The following ABCB8 variants were observed in gnomAD, a reference collection of about 807,000 sequenced individuals.
The protein encoded by ABCB8 is mitochondrial potassium channel ATP-binding subunit.
In ABCB8, 52 loss-of-function variants were observed where a neutral mutation model predicts 73.0. That is an observed-to-expected ratio of 0.71 (90% CI 0.57 to 0.90). The LOEUF (loss-of-function observed/expected upper bound fraction) is 0.90. ABCB8 is among the 40% of genes least tolerant of loss of function. ABCB8 has a pLI of 0.00. For missense variants in ABCB8, 909 were observed against 974.6 expected, an observed-to-expected ratio of 0.93 and a Z score of 0.90; for synonymous variants, 428 against 423.5, an observed-to-expected ratio of 1.01 and a Z score of -0.13.
At position 151,031,176 on chromosome 7, in the gene ABCB8, C is replaced by A; in HGVS notation, c.96-2429C>A. ...TGTGCTCAACAAGCATAAACATTTG[C>A]GGAACATCTATTATGTACCGGAGTT... On this transcript the variant is annotated intron_variant, in intron 1 of 15. Coordinates refer to ENST00000358849, the MANE Select transcript of ABCB8 (RefSeq NM_007188.5). The A allele has an allele frequency of 9.7e-6, 10 of 1,035,046 alleles. No homozygotes were observed. In the South Asian group the frequency reaches 1.2e-4, roughly 13 times the overall value. The allele number at this position is 1,035,046 out of a possible 1,614,324, so 64.1% of individuals were successfully genotyped here. A position where few individuals can be genotyped will look rare whatever the true frequency, so the allele number is the denominator to read the frequency against.
chr7:151,032,468 G>C (rs766615924), intron 1 of ABCB8, among the ~76,000 whole-genome samples: 3 of 152,198 alleles, frequency 2.0e-5, no homozygotes, highest in Non-Finnish European at 4.4e-5. Context: ...GGCTGAGGCA[G>C]GTGGATCATG....
intron 8 of ABCB8, 26 bp from the exon 9 acceptor site, chr7:151,036,518 C>G: frequency 3.1e-6 from 5 of 1,591,182 alleles, no homozygotes; most frequent in African/African-American, 1.3e-5. Context: ...CTGGCTTCGT[C>G]CTCCCTCACT....
chr7:151,035,899 C>T lies in ABCB8; in HGVS notation c.945C>T (p.Gly315=), dbSNP rs774585394. ...CCTTGCAGATCGCCAGGGCAATGGG[C>T]GTAGCAGACGAGGCCCTGGGCAATG... ...QCQEQIARAM[G]VADEALGNVR... Residue 315 remains glycine, a synonymous_variant, in exon 7 of 16, where the codon GGC becomes GGT. Coordinates refer to ENST00000358849, the MANE Select transcript of ABCB8 (RefSeq NM_007188.5). 3.1e-6 allele frequency: 5 copies of T among 1,613,558 alleles called. No homozygotes were observed. Among genetic ancestry groups the T allele is most frequent in the East Asian group, 4.5e-5 (2 of 44,884 alleles).
chr7:151,036,627 G>C lies in ABCB8; in HGVS notation c.1195G>C (p.Val399Leu). The change falls in exon 9 of 16, where the codon GTG becomes CTG. Residue 399 changes from valine (V) to leucine (L), a missense_variant. Coordinates refer to ENST00000358849, the MANE Select transcript of ABCB8 (RefSeq NM_007188.5). The stretch of plus-strand genomic sequence containing the variant: ...AGGGGGAGACCTCATGTCCTTCCTG[G>C]TGGCCTCCCAGACAGTGCAAAGGTA... ...LTGGDLMSFL[V>L]ASQTVQRSMA... is the part of the protein sequence containing the mutation. 1 of 1,612,060 alleles carries C rather than the reference G, an allele frequency of 6.2e-7. No individual in the cohort carries two copies. The highest frequency in any genetic ancestry group is 8.5e-7 in the Non-Finnish European group (1 of 1,178,932).
chr7:151,040,736 C>T lies in ABCB8; in HGVS notation c.1389-92C>T, dbSNP rs1584955846. 2.0e-5 allele frequency: 32 copies of T among 1,601,468 alleles called. 1 individual carries two copies. In the South Asian group the frequency reaches 3.4e-4, roughly 17 times the overall value. On this transcript the variant is annotated intron_variant, in intron 11 of 15. Transcript: ENST00000358849. ...GGACTAATGTCCCCCATAAACAGGC[C>T]CTCTCAGAGGGCTACAGGGAGACTT...
intron 14 of ABCB8, among the ~76,000 whole-genome samples, chr7:151,042,752 C>A (rs375088707): frequency 1.3e-3 from 204 of 152,316 alleles, no homozygotes; most frequent in African/African-American, 4.5e-3. Context: ...TTCAGCACTT[C>A]TCAGGATACA....
intron 12 of ABCB8, 35 bp from the exon 13 acceptor site, chr7:151,041,064 C>A: frequency 6.2e-7 from 1 of 1,613,538 alleles, no homozygotes; most frequent in Non-Finnish European, 8.5e-7. Flanking sequence ...TCCCTAGAAT[C>A]CCTGGCCTCC....
chr7:151,035,550 G>T (rs756381592), intron 5 of ABCB8, 31 bp from the exon 6 acceptor site: 1 of 1,563,194 alleles, frequency 6.4e-7, no homozygotes, highest in Admixed American at 1.8e-5. Flanking sequence ...TGCGGACGCC[G>T]TAGCCTCCCG....
Position 151,041,174 on chromosome 7 carries a change from AC to A in ABCB8, c.1561del (p.Leu521CysfsTer96). The A allele has an allele frequency of 6.2e-7, 1 of 1,610,192 alleles. No homozygotes were observed. The highest frequency in any genetic ancestry group is 8.5e-7 in the Non-Finnish European group (1 of 1,179,932). The part of the protein sequence containing the change: ...TAGVVMLDGR[D>X]LRTLDPSWLR... ...GGCGTGGTGATGCTGGATGGGCGGG[AC>A]CTGCGCACCCTTGACCCCTCCTGGC... On this transcript the variant is annotated frameshift_variant, in exon 13 of 16. Transcript: ENST00000358849. LOFTEE classifies it high-confidence loss of function.
In ABCB8 at chr7:151,040,502, T is replaced by A; in HGVS notation, c.1256T>A (p.Val419Asp). The change falls in exon 11 of 16, where the codon GTC becomes GAC. Residue 419 changes from valine (V) to aspartate (D), a missense_variant. Transcript: ENST00000358849. Reference protein sequence around the residue: ...ANLSVLFGQVVRGLSAGARVF... With the variant: ...ANLSVLFGQVDRGLSAGARVF... The stretch of plus-strand genomic sequence containing the variant: ...ACTTTGGATCCCCTCCCACAGGTGG[T>A]CCGGGGGCTGAGTGCAGGTGCCCGG... 6.2e-7 allele frequency: 1 copy of A among 1,610,984 alleles called. No individual in the cohort carries two copies. Among genetic ancestry groups the A allele is most frequent in the East Asian group, 2.2e-5 (1 of 44,762 alleles).
rs746187225 is a variant in ABCB8 at position 151,028,570 on chromosome 7, C to T, written c.55C>T (p.Leu19=). The change falls in exon 1 of 16, where the codon CTG becomes TTG. Residue 19 remains leucine (L), a synonymous_variant. Transcript: ENST00000358849. Reference sequence around the variant, plus strand: ...TCGGGGTGGCCCATTCCCAGGCAGGCTGCTACCGCCCCTCCGCTTCCAGAC... The same window carrying T: ...TCGGGGTGGCCCATTCCCAGGCAGGTTGCTACCGCCCCTCCGCTTCCAGAC... ...GIRGGPFPGR[L]LPPLRFQTFS... The T allele has an allele frequency of 6.2e-7, 1 of 1,614,030 alleles. No homozygotes were observed. The highest frequency in any genetic ancestry group is 1.7e-5 in the Admixed American group (1 of 60,022).
Position 151,030,833 on chromosome 7 carries a change from G to T in ABCB8, c.95+2223G>T, listed in dbSNP as rs202180523. ...TGGGCGCCTGTAGTCCCAGCTACTC[G>T]AGAGGCTGAGGCAGGAGAATCGCTT... On this transcript the variant is annotated intron_variant, in intron 1 of 15. Coordinates refer to ENST00000358849, the MANE Select transcript of ABCB8 (RefSeq NM_007188.5). Among the ~76,000 whole-genome samples, 20 of 152,332 alleles carry T rather than the reference G, an allele frequency of 1.3e-4. No individual in the cohort carries two copies. In the East Asian group the frequency reaches 1.7e-3, roughly 13 times the overall value.
rs551649691 is a variant in ABCB8 at position 151,042,620 on chromosome 7, G to A, written c.1765+512G>A. ...GAGGGCTCTGGTGGTTCTGAACTAGGAACACGCAGCCTGGCACTGCAGGGC... is the reference window on the plus strand; with the variant it reads ...GAGGGCTCTGGTGGTTCTGAACTAGAAACACGCAGCCTGGCACTGCAGGGC... On this transcript the variant is annotated intron_variant, in intron 14 of 15. Transcript: ENST00000358849. 1.1e-4 allele frequency among the ~76,000 whole-genome samples: 17 copies of A among 152,370 alleles called. No individual in the cohort carries two copies. In the South Asian group the frequency reaches 2.9e-3, roughly 26 times the overall value.
chr7:151,028,923 A>T, intron 1 of ABCB8: 1 of 1,385,948 alleles, frequency 7.2e-7, no homozygotes, highest in South Asian at 1.2e-5. Flanking sequence ...TGATTGCGCG[A>T]TTTGGACGAA....
chr7:151,041,157 G>A lies in ABCB8; in HGVS notation c.1542G>A (p.Val514=), dbSNP rs1355490339. The change falls in exon 13 of 16, where the codon GTG becomes GTA. Residue 514 remains valine, a synonymous_variant. Transcript: ENST00000358849. Reference sequence around the variant, plus strand: ...TCTACGACCCCACGGCAGGCGTGGTGATGCTGGATGGGCGGGACCTGCGCA... The same window carrying A: ...TCTACGACCCCACGGCAGGCGTGGTAATGCTGGATGGGCGGGACCTGCGCA... ...ERFYDPTAGV[V]MLDGRDLRTL... 6.2e-7 allele frequency: 1 copy of A among 1,611,926 alleles called. No individual in the cohort carries two copies. Among genetic ancestry groups the A allele is most frequent in the Admixed American group, 1.7e-5 (1 of 60,020 alleles).
At chr7:151,037,235 C>A in intron 9 of ABCB8, 2 of 703,042 alleles carry the variant, frequency 2.8e-6, no homozygotes, top group South Asian at 1.5e-5. Context: ...CACATTGTGT[C>A]CTCAGCTTCC....
At chr7:151,030,678 G>A (rs1584944836) in intron 1 of ABCB8, among the ~76,000 whole-genome samples, 1 of 151,120 alleles carries the variant, frequency 6.6e-6, no homozygotes, top group East Asian at 1.9e-4. Flanking sequence ...GTTGGCTCAC[G>A]CCTGTAATCC....
chr7:151,034,861 C>A, intron 5 of ABCB8, 32 bp downstream of exon 5: 1 of 1,572,102 alleles, frequency 6.4e-7, no homozygotes, highest in Middle Eastern at 2.0e-4. Flanking sequence ...ACCACGTCCA[C>A]ACACACACTT....
In ABCB8 at chr7:151,040,552, C is replaced by A. The variant is rs767860054; in HGVS notation, c.1306C>A (p.Pro436Thr). ...GGTCTTTGAGTACATGGCCCTGAAC[C>A]CCTGCATCCCACTGTCTGGGGGCTG... The part of the protein sequence containing the change: ...ARVFEYMALN[P>T]CIPLSGGCCV... Residue 436 changes from proline to threonine, a missense_variant, in exon 11 of 16, where the codon CCC (proline) becomes ACC (threonine). Coordinates refer to ENST00000358849, the MANE Select transcript of ABCB8 (RefSeq NM_007188.5). 3.7e-6 allele frequency: 6 copies of A among 1,613,372 alleles called. No individual in the cohort carries two copies. The highest frequency in any genetic ancestry group is 1.6e-4 in the Middle Eastern group (1 of 6,082).
Sources: allele counts gnomAD v4.1 joint callset (sites outside exome capture counted in the v4.1 genomes callset), GRCh38; gene constraint gnomAD v4.1.1; transcripts MANE v1.5; gene names NCBI Gene and HGNC (gene_info 2026-07-23, HGNC 2026-07-21).